The following ARHGAP28 variants were observed in gnomAD, a reference collection of about 807,000 sequenced individuals.
ARHGAP28 encodes Rho GTPase activating protein 28, also known as rho GTPase-activating protein 28.
In ARHGAP28, 56 loss-of-function variants were observed where a neutral mutation model predicts 90.7. That is an observed-to-expected ratio of 0.62 (90% CI 0.50 to 0.77). The LOEUF is 0.77. Among genes scored for constraint, ARHGAP28 ranks in the 30% least tolerant of loss-of-function variants. The pLI, the probability that ARHGAP28 is intolerant of heterozygous loss-of-function variation, is 0.00. For missense variants in ARHGAP28, 869 were observed against 900.9 expected, an observed-to-expected ratio of 0.96 and a Z score of 0.45; for synonymous variants, 308 against 323.3, an observed-to-expected ratio of 0.95 and a Z score of 0.51.
At chr18:6,911,430 T>TTGTTC (rs1567991926) in intron 17 of ARHGAP28, among the ~76,000 whole-genome samples, 2 of 76,434 alleles carry the variant, frequency 2.6e-5, no homozygotes, top group Non-Finnish European at 5.8e-5. Flanking sequence ...TCTTGCCATA[T>TTGTTC]TTTTCTTTTC....
intron 1 of ARHGAP28, among the ~76,000 whole-genome samples, chr18:6,817,341 A>G (rs932699747): frequency 6.6e-6 from 1 of 151,336 alleles, no homozygotes; most frequent in Admixed American, 6.6e-5. Context: ...ACAAAAAAAA[A>G]ACAAAACAAA....
intron 1 of ARHGAP28, among the ~76,000 whole-genome samples, chr18:6,739,673 T>TCTCTCTCTC (rs2055958490): frequency 9.1e-6 from 1 of 109,948 alleles, no homozygotes; most frequent in African/African-American, 3.4e-5. Flanking sequence ...CTCTCTCTCT[T>TCTCTCTCTC]TCTTTCAGAA....
intron 1 of ARHGAP28, among the ~76,000 whole-genome samples, chr18:6,797,977 A>G (rs1938639892): frequency 6.6e-6 from 1 of 152,114 alleles, no homozygotes; most frequent in Non-Finnish European, 1.5e-5. Flanking sequence ...AATTTTTTAA[A>G]CACATTTTTA....
chr18:6,762,487 C>G lies in ARHGAP28; in HGVS notation c.122+32544C>G, dbSNP rs144522835. The stretch of plus-strand genomic sequence containing the variant: ...CTTCAACATGCTACGCATCCTCTTT[C>G]AATTCACGCACGATATTCCTTCTGT... On this transcript the variant is annotated intron_variant, in intron 1 of 17. Transcript: ENST00000383472. Among the ~76,000 whole-genome samples, 72 of 152,330 alleles carry G rather than the reference C, an allele frequency of 4.7e-4. No homozygotes were observed. In the East Asian group the frequency reaches 0.013, roughly 27 times the overall value.
intron 6 of ARHGAP28, 84 bp from the exon 7 acceptor site, chr18:6,870,506 A>G: frequency 7.3e-7 from 1 of 1,367,466 alleles, no homozygotes; most frequent in Non-Finnish European, 1.0e-6. Context: ...TCACTTGTAA[A>G]TATTTTGAAT....
chr18:6,830,332 T>A (rs990072464), intron 2 of ARHGAP28, among the ~76,000 whole-genome samples: 8 of 152,178 alleles, frequency 5.3e-5, no homozygotes, highest in Admixed American at 1.3e-4. Context: ...CTATTCTTTT[T>A]TTATTATTAT....
At position 6,912,086 on chromosome 18, in the gene ARHGAP28, T is replaced by G; in HGVS notation, c.2122T>G (p.Tyr708Asp). 5 of 1,606,862 alleles carry G rather than the reference T, an allele frequency of 3.1e-6. No individual in the cohort carries two copies. Among genetic ancestry groups the G allele is most frequent in the Non-Finnish European group, 4.3e-6 (5 of 1,175,618 alleles). The change falls in exon 18 of 18, where the codon TAT (tyrosine) becomes GAT (aspartate). Residue 708 changes from tyrosine to aspartate, a missense_variant. Tyr to Asp is a radical substitution (Grantham distance 160). Coordinates refer to ENST00000383472, the MANE Select transcript of ARHGAP28 (RefSeq NM_001366230.1). ...IGEHCLDPDA[Y>D]ILDVYRINPQ... The stretch of plus-strand genomic sequence containing the variant: ...AGAGCATTGCTTGGATCCAGATGCT[T>G]ATATATTGGATGTATATCGTATAAA...
intron 12 of ARHGAP28, among the ~76,000 whole-genome samples, chr18:6,887,638 G>T (rs2057233319): frequency 6.6e-6 from 1 of 152,028 alleles, no homozygotes. Flanking sequence ...GCTCAGGCTG[G>T]TCTCCAACTC....
At chr18:6,811,481 G>A (rs1343945358) in intron 1 of ARHGAP28, among the ~76,000 whole-genome samples, 1 of 152,038 alleles carries the variant, frequency 6.6e-6, no homozygotes, top group African/African-American at 2.4e-5. Context: ...AAACATTTTT[G>A]AGGGTTTGCT....
chr18:6,740,874 C>T (rs892401005), intron 1 of ARHGAP28, among the ~76,000 whole-genome samples: 1 of 152,122 alleles, frequency 6.6e-6, no homozygotes, highest in African/African-American at 2.4e-5. Context: ...ACCAACCTGT[C>T]GATCCTGGTT....
chr18:6,894,640 T>A (rs1427058450), intron 14 of ARHGAP28, among the ~76,000 whole-genome samples, 195 bp from the exon 15 acceptor site: 2 of 152,244 alleles, frequency 1.3e-5, no homozygotes, highest in Non-Finnish European at 2.9e-5. Context: ...TCTATATACA[T>A]CATTGTTCAC....
intron 1 of ARHGAP28, among the ~76,000 whole-genome samples, chr18:6,752,874 C>G (rs1466562269): frequency 6.6e-6 from 1 of 152,072 alleles, no homozygotes; most frequent in Non-Finnish European, 1.5e-5. Context: ...TGCACCAAGT[C>G]ATGGGTTTAT....
chr18:6,899,015 C>T (rs970808684), intron 16 of ARHGAP28, among the ~76,000 whole-genome samples: 31 of 151,920 alleles, frequency 2.0e-4, no homozygotes, highest in Admixed American at 1.3e-4. Flanking sequence ...ATACCTGTTC[C>T]CAAAAAACCT....
chr18:6,823,036 C>A lies in ARHGAP28; in HGVS notation c.123-1726C>A, dbSNP rs1254642771. Reference sequence around the variant, plus strand: ...CGTTATTGTGCCATTGGTCTAGTTACCTCTTTCCACCTGGGAGCTCTTGTT... The same window carrying A: ...CGTTATTGTGCCATTGGTCTAGTTAACTCTTTCCACCTGGGAGCTCTTGTT... On this transcript the variant is annotated intron_variant, in intron 1 of 17. Coordinates refer to ENST00000383472, the MANE Select transcript of ARHGAP28 (RefSeq NM_001366230.1). Among the ~76,000 whole-genome samples the A allele has an allele frequency of 2.6e-5, 4 of 152,150 alleles. No individual in the cohort carries two copies. In the East Asian group the frequency reaches 5.8e-4, roughly 22 times the overall value.
At chr18:6,729,970 G>A (rs2055861927) in intron 1 of ARHGAP28, 27 bp downstream of exon 1, 2 of 1,323,988 alleles carry the variant, frequency 1.5e-6, no homozygotes, top group South Asian at 2.0e-5. Flanking sequence ...CCACCAGGGC[G>A]GCGCAGTCGC....
intron 16 of ARHGAP28, among the ~76,000 whole-genome samples, chr18:6,905,637 A>G (rs1006927529): frequency 6.6e-6 from 1 of 152,184 alleles, no homozygotes; most frequent in Non-Finnish European, 1.5e-5. Flanking sequence ...AATTATCTAC[A>G]TATAAAATTT....
intron 3 of ARHGAP28, 74 bp from the exon 4 acceptor site, chr18:6,850,960 A>G: frequency 6.3e-7 from 1 of 1,584,630 alleles, no homozygotes; most frequent in Non-Finnish European, 8.6e-7. Context: ...ACTCTAGTGT[A>G]ATGCATGTGT....
At chr18:6,876,267 A>C in intron 10 of ARHGAP28, 59 bp downstream of exon 10, 1 of 1,276,400 alleles carries the variant, frequency 7.8e-7, no homozygotes, top group East Asian at 2.3e-5. Context: ...CCCAGTTCAC[A>C]CAAGCATCGG....
intron 1 of ARHGAP28, among the ~76,000 whole-genome samples, chr18:6,811,474 C>T (rs193128411): frequency 1.3e-5 from 2 of 152,230 alleles, no homozygotes; most frequent in African/African-American, 4.8e-5. Flanking sequence ...TTTCAGTAAA[C>T]ATTTTTGAGG....
Sources: allele counts gnomAD v4.1 joint callset (sites outside exome capture counted in the v4.1 genomes callset), GRCh38; gene constraint gnomAD v4.1.1; transcripts MANE v1.5; gene names NCBI Gene and HGNC (gene_info 2026-07-23, HGNC 2026-07-21).